The following SYT2 variants were observed in gnomAD, a reference collection of about 807,000 sequenced individuals.
SYT2 encodes the protein synaptotagmin 2.
In SYT2, 15 loss-of-function variants were observed where a neutral mutation model predicts 39.9. The observed-to-expected ratio is 0.38, with a 90% confidence interval of 0.25 to 0.58. The LOEUF (loss-of-function observed/expected upper bound fraction) is 0.58. Among genes scored for constraint, SYT2 ranks in the 20% least tolerant of loss-of-function variants. SYT2 has a pLI of 0.70. For synonymous variants in SYT2, 181 were observed against 204.5 expected (o/e 0.89, Z 0.98); for missense variants, 389 against 530.3 (o/e 0.73, Z 2.62).
chr1:202,615,897 A>T (rs1691018617), intron 1 of SYT2, among the ~76,000 whole-genome samples: 1 of 151,734 alleles, frequency 6.6e-6, no homozygotes, highest in Admixed American at 6.6e-5. Flanking sequence ...AATTCCCCAC[A>T]CTCCCTTGGC....
rs953291754 is a variant in SYT2, at chr1:202,599,070, C to A, written c.1053+148G>T. ...TCCCTGAAGCACTTGGGAAGGAGGC[C>A]CCACCCAGGCACCATTAGACCTCGA... On this transcript the variant is annotated intron_variant, in intron 8 of 8. Transcript: ENST00000367268. This position sits in a 1 kb window ranked among gnomAD's most constrained non-coding sequence, Gnocchi z 4.4. The A allele has an allele frequency of 4.7e-6, 5 of 1,069,316 alleles. No individual in the cohort carries two copies. In the African/African-American group the frequency reaches 8.2e-5, roughly 18 times the overall value. The allele number at this position is 1,069,316 out of a possible 1,614,324, so 66.2% of individuals were successfully genotyped here. A position where few individuals can be genotyped will look rare whatever the true frequency, so the allele number is the denominator to read the frequency against.
chr1:202,647,804 C>T (rs1005516233), intron 1 of SYT2, among the ~76,000 whole-genome samples: 1 of 152,150 alleles, frequency 6.6e-6, no homozygotes, highest in African/African-American at 2.4e-5. Flanking sequence ...CTAAGAGAGA[C>T]CCTCTCCCTG....
At chr1:202,699,206 G>A (rs1003101005) in intron 1 of SYT2, among the ~76,000 whole-genome samples, 57 of 151,934 alleles carry the variant, frequency 3.8e-4, no homozygotes, top group African/African-American at 1.4e-3. Context: ...ATTATTTGTA[G>A]AGATGGGGTC....
intron 1 of SYT2, among the ~76,000 whole-genome samples, chr1:202,706,980 C>T (rs1654268625): frequency 6.6e-6 from 1 of 152,218 alleles, no homozygotes; most frequent in South Asian, 2.1e-4. Context: ...TCGAAGCTTC[C>T]TACATACCTT....
rs1690286473 is a variant in SYT2, at chr1:202,596,286, C to CACACACACACACACACAT, written c.*470_*471insATGTGTGTGTGTGTGTGT. Reference sequence around the variant, plus strand: ...GCTCAAAGACACACACACACACACACACACACACACACACACACACATACA... The same window carrying CACACACACACACACACAT: ...GCTCAAAGACACACACACACACACACACACACACACACACACATACACACACACACACACACACATACA... On this transcript the variant is annotated 3_prime_UTR_variant, in exon 9 of 9. Coordinates refer to ENST00000367268, the MANE Select transcript of SYT2 (RefSeq NM_177402.5). The CACACACACACACACACAT allele has an allele frequency of 1.1e-5, 1 of 90,756 alleles. No individual in the cohort carries two copies. Among genetic ancestry groups the CACACACACACACACACAT allele is most frequent in the Non-Finnish European group, 2.1e-5 (1 of 47,542 alleles). 5.6% of individuals were successfully genotyped at this position (90,756 alleles called of 1,614,324 possible).
intron 1 of SYT2, among the ~76,000 whole-genome samples, chr1:202,646,389 G>A (rs1340397991): frequency 6.6e-6 from 1 of 152,142 alleles, no homozygotes; most frequent in Non-Finnish European, 1.5e-5. Context: ...CTCTCCCTGT[G>A]TGCCCTGTGC....
In SYT2 at chr1:202,669,617, G is replaced by A. The variant is rs1244778384; in HGVS notation, c.-18+40641C>T. ...CAAAAAAAAAAAATTAAATTAGCTG[G>A]GCCTAGTGGTGGACGCCTGTGGTCT... On this transcript the variant is annotated intron_variant, in intron 1 of 8. Transcript: ENST00000367268. 3.3e-5 allele frequency among the ~76,000 whole-genome samples: 5 copies of A among 151,820 alleles called. No individual in the cohort carries two copies. In the East Asian group the frequency reaches 9.7e-4, roughly 29 times the overall value.
chr1:202,662,767 A>G (rs1166584317), intron 1 of SYT2, among the ~76,000 whole-genome samples: 1 of 152,216 alleles, frequency 6.6e-6, no homozygotes, highest in African/African-American at 2.4e-5. Context: ...TGGGCAAGTC[A>G]GGTAACCTCT....
At chr1:202,639,869 C>G in intron 1 of SYT2, 1 of 977,446 alleles carries the variant, frequency 1.0e-6, no homozygotes. Flanking sequence ...AACTGCAGGA[C>G]TGTGAACTGT....
chr1:202,597,345 A>T (rs536121585), intron 8 of SYT2, among the ~76,000 whole-genome samples: 1 of 152,192 alleles, frequency 6.6e-6, no homozygotes, highest in Non-Finnish European at 1.5e-5. Context: ...GGTACTGTGG[A>T]AACTTAGAGG....
chr1:202,667,316 G>T (rs1692497738), intron 1 of SYT2, among the ~76,000 whole-genome samples: 1 of 152,176 alleles, frequency 6.6e-6, no homozygotes, highest in African/African-American at 2.4e-5. Flanking sequence ...GGCAAAGAGA[G>T]AAAGGGATTC....
intron 1 of SYT2, among the ~76,000 whole-genome samples, chr1:202,656,419 C>T (rs1692278018): frequency 6.6e-6 from 1 of 152,166 alleles, no homozygotes; most frequent in Non-Finnish European, 1.5e-5. Flanking sequence ...AGCCCAGGGC[C>T]CTGTGAGCCT....
rs960220467 is a variant in SYT2, at chr1:202,594,899, A to G, written c.*1858T>C. 2.0e-5 allele frequency: 3 copies of G among 152,276 alleles called. No homozygotes were observed. Among genetic ancestry groups the G allele is most frequent in the Non-Finnish European group, 4.4e-5 (3 of 68,088 alleles). 9.4% of individuals were successfully genotyped at this position (152,276 alleles called of 1,614,324 possible). On this transcript the variant is annotated 3_prime_UTR_variant, in exon 9 of 9. Transcript: ENST00000367268. ...CCTTCCCCCTTTTTAAAATAAAATAAAAAGACACTCTGCAACTTCTTCACA... is the reference window on the plus strand; with the variant it reads ...CCTTCCCCCTTTTTAAAATAAAATAGAAAGACACTCTGCAACTTCTTCACA...
intron 1 of SYT2, among the ~76,000 whole-genome samples, chr1:202,667,466 C>CGT (rs35072265): frequency 0.021 from 2,939 of 140,776 alleles, 68 homozygotes; most frequent in African/African-American, 0.05. Context: ...AGTGACCAGC[C>CGT]GTGTGTGTGT....
At chr1:202,636,333 GC>G (rs1336352663) in intron 1 of SYT2, 1 of 984,914 alleles carries the variant, frequency 1.0e-6, no homozygotes, top group Non-Finnish European at 1.2e-6. Context: ...TTGGTAGAAA[GC>G]CCAACATGCC....
chr1:202,642,476 GT>G (rs1211268980), intron 1 of SYT2, among the ~76,000 whole-genome samples: 1 of 152,068 alleles, frequency 6.6e-6, no homozygotes, highest in African/African-American at 2.4e-5. Flanking sequence ...TAGGGCCCTC[GT>G]TTCCACTGCC....
intron 1 of SYT2, among the ~76,000 whole-genome samples, chr1:202,708,988 C>A (rs1654321860): frequency 1.3e-5 from 2 of 152,228 alleles, no homozygotes; most frequent in South Asian, 4.1e-4. Context: ...GGAGGACAAT[C>A]TATTCCACCT....
At chr1:202,698,595 G>A (rs1479056075) in intron 1 of SYT2, among the ~76,000 whole-genome samples, 1 of 152,138 alleles carries the variant, frequency 6.6e-6, no homozygotes, top group Non-Finnish European at 1.5e-5. Context: ...AACTACAGCA[G>A]GCAGTTGTCT....
chr1:202,637,627 T>A (rs1418507916), intron 1 of SYT2, among the ~76,000 whole-genome samples: 1 of 151,804 alleles, frequency 6.6e-6, no homozygotes, highest in Non-Finnish European at 1.5e-5. Flanking sequence ...TGCCCCACTG[T>A]GAGCAGCAGC....
Sources: gnomAD v4.1 joint callset for allele counts (sites outside exome capture counted in the v4.1 genomes callset) on GRCh38, gnomAD v4.1.1 for gene constraint, Gnocchi (gnomAD v3.1) non-coding constraint, MANE v1.5 for transcripts, NCBI Gene and HGNC (gene_info 2026-07-23, HGNC 2026-07-21) for gene names.